ALS2CL: variants seen among roughly 807,000 people sequenced by gnomAD.
The protein encoded by ALS2CL is ALS2 C-terminal like, also known as ALS2 C-terminal-like protein.
ALS2CL carries 112 observed loss-of-function variants against 127.9 expected under a neutral mutation model. That is an observed-to-expected ratio of 0.88 (90% CI 0.75 to 1.02). The LOEUF is 1.02. Among genes scored for constraint, ALS2CL ranks in the 50% least tolerant of loss-of-function variants. The pLI, the probability that ALS2CL is intolerant of heterozygous loss-of-function variation, is 0.00. For missense variants in ALS2CL, 1,174 were observed against 1,236.7 expected, an observed-to-expected ratio of 0.95 and a Z score of 0.76; for synonymous variants, 519 against 527.6, an observed-to-expected ratio of 0.98 and a Z score of 0.22.
At chr3:46,675,010 C>A (rs917131421) in intron 20 of ALS2CL, 4 of 372,442 alleles carry the variant, frequency 1.1e-5, no homozygotes, top group African/African-American at 8.3e-5. Flanking sequence ...ACCAGGGCCC[C>A]AGATGGACCA....
At chr3:46,692,112 A>C (rs759665666) in intron 1 of ALS2CL, among the ~76,000 whole-genome samples, 5 of 152,168 alleles carry the variant, frequency 3.3e-5, no homozygotes, top group African/African-American at 4.8e-5. Flanking sequence ...GCAGAAGTTA[A>C]GCATGGCTGG....
intron 14 of ALS2CL, chr3:46,679,732 T>TATTTTGTG (rs1699167176): frequency 6.4e-6 from 1 of 155,544 alleles, no homozygotes; most frequent in Non-Finnish European, 1.4e-5. Flanking sequence ...TTTTGTGTAC[T>TATTTTGTG]TATTCTTCCC....
At chr3:46,684,520 T>C (rs1269554653) in intron 7 of ALS2CL, among the ~76,000 whole-genome samples, 1 of 152,238 alleles carries the variant, frequency 6.6e-6, no homozygotes, top group Non-Finnish European at 1.5e-5. Context: ...CATCCTGCTC[T>C]GACAGCCAGA....
chr3:46,675,796 G>C, intron 19 of ALS2CL, 110 bp from the exon 20 acceptor site: 1 of 1,562,318 alleles, frequency 6.4e-7, no homozygotes. Flanking sequence ...CTGTGGACAT[G>C]GCCTGCAGGG....
At chr3:46,675,153 G>A in intron 20 of ALS2CL, 1 of 206,234 alleles carries the variant, frequency 4.8e-6, no homozygotes, top group Non-Finnish European at 9.7e-6. Flanking sequence ...CTGCAAGGCA[G>A]TGACAGGAAG....
At position 46,675,654 on chromosome 3, in the gene ALS2CL, C is replaced by G; in HGVS notation, c.2219G>C (p.Gly740Ala). The part of the protein sequence containing the change: ...GLLRVALERK[G>A]QALEEDEDTE... ...GTCTTCATCCTCCTCCAGGGCCTGG[C>G]CCTTGCGCTCTAAGGCAACTCGCAG... Residue 740 changes from glycine (G) to alanine (A), a missense_variant, in exon 20 of 26, where the codon GGC (glycine) becomes GCC (alanine). Physicochemically the swap from Gly to Ala is moderately conservative, Grantham distance 60 (BLOSUM62 0). Transcript: ENST00000318962. The G allele has an allele frequency of 6.2e-7, 1 of 1,613,752 alleles. No individual in the cohort carries two copies. The highest frequency in any genetic ancestry group is 8.5e-7 in the Non-Finnish European group (1 of 1,180,010).
rs771884036 is a variant in ALS2CL, at chr3:46,675,652, G to T, written c.2221C>A (p.Gln741Lys). Residue 741 changes from glutamine to lysine, a missense_variant, in exon 20 of 26, where the codon CAG becomes AAG. Transcript: ENST00000318962. Reference sequence around the variant, plus strand: ...GTGTCTTCATCCTCCTCCAGGGCCTGGCCCTTGCGCTCTAAGGCAACTCGC... The same window carrying T: ...GTGTCTTCATCCTCCTCCAGGGCCTTGCCCTTGCGCTCTAAGGCAACTCGC... ...LLRVALERKG[Q>K]ALEEDEDTET... 5 of 1,613,688 alleles carry T rather than the reference G, an allele frequency of 3.1e-6. No homozygotes were observed. The East Asian group carries it at 1.1e-4, about 36-fold the overall frequency.
intron 21 of ALS2CL, among the ~76,000 whole-genome samples, chr3:46,673,667 G>A (rs542003133): frequency 2.5e-4 from 38 of 152,342 alleles, no homozygotes; most frequent in African/African-American, 8.9e-4. Context: ...AGGCTCTGCT[G>A]AGCCAGCACA....
chr3:46,675,451 G>A (rs1698735661), intron 20 of ALS2CL, 167 bp downstream of exon 20: 2 of 657,664 alleles, frequency 3.0e-6, no homozygotes, highest in Admixed American at 2.7e-5. Flanking sequence ...CAGAACAGAG[G>A]TCATGGGTCA....
At chr3:46,677,788 G>C (rs1331993364) in intron 16 of ALS2CL, among the ~76,000 whole-genome samples, 1 of 152,148 alleles carries the variant, frequency 6.6e-6, no homozygotes, top group Admixed American at 6.5e-5. Flanking sequence ...TCCTTCTCTG[G>C]AATACTCCTT....
Position 46,683,210 on chromosome 3 carries a change from T to C in ALS2CL, c.1029A>G (p.Ala343=). The C allele has an allele frequency of 6.2e-7, 1 of 1,609,718 alleles. No homozygotes were observed. The change falls in exon 10 of 26, where the codon GCA becomes GCG. Residue 343 remains alanine, a synonymous_variant. Coordinates refer to ENST00000318962, the MANE Select transcript of ALS2CL (RefSeq NM_147129.5). ...EPSQPPDCRC[A]EYTFQAEGRL... Reference sequence around the variant, plus strand: ...GGCCCTCTGCCTGGAAGGTATATTCTGCGCAGCGGCAGTCGGGAGGCTGGG... The same window carrying C: ...GGCCCTCTGCCTGGAAGGTATATTCCGCGCAGCGGCAGTCGGGAGGCTGGG...
chr3:46,679,257 AGTC>A lies in ALS2CL; in HGVS notation c.1576_1578del (p.Asp526del). 1.3e-6 allele frequency: 2 copies of A among 1,588,360 alleles called. No homozygotes were observed. Among genetic ancestry groups the A allele is most frequent in the East Asian group, 2.3e-5 (1 of 43,816 alleles). On this transcript the variant is annotated inframe_deletion, in exon 15 of 26. Transcript: ENST00000318962. ...CTGGTGAAGGTGCCCTCATACAGGG[AGTC>A]GTCTTCAGAGAGGAGGATGCCCGGG... is the stretch of plus-strand genomic sequence containing the variant.
At chr3:46,677,435 G>A in intron 16 of ALS2CL, 1 of 1,020,088 alleles carries the variant, frequency 9.8e-7, no homozygotes, top group East Asian at 9.6e-5. Flanking sequence ...CTGGCCAACA[G>A]GCTGGGGCCT....
intron 1 of ALS2CL, among the ~76,000 whole-genome samples, chr3:46,690,164 C>T (rs188814642): frequency 1.3e-5 from 2 of 152,348 alleles, no homozygotes; most frequent in Admixed American, 6.5e-5. Flanking sequence ...GTGCCTCAGT[C>T]GGCCGTGGAC....
At chr3:46,692,690 G>A (rs1051219074) in intron 1 of ALS2CL, among the ~76,000 whole-genome samples, 5 of 152,236 alleles carry the variant, frequency 3.3e-5, no homozygotes, top group African/African-American at 1.2e-4. Context: ...ACGGGGTGCG[G>A]TGGGGTGGGG....
At position 46,671,879 on chromosome 3, in the gene ALS2CL, C is replaced by T; in HGVS notation, c.2684+5G>A. ...CCCTGCACCCCCAGCTCCTGACTGCCTCACCGGGCGCGCGACACCACGTAG... is the reference window on the plus strand; with the variant it reads ...CCCTGCACCCCCAGCTCCTGACTGCTTCACCGGGCGCGCGACACCACGTAG... On this transcript the variant is annotated splice_donor_5th_base_variant and intron_variant, in intron 24 of 25. Coordinates refer to ENST00000318962, the MANE Select transcript of ALS2CL (RefSeq NM_147129.5). 6.2e-7 allele frequency: 1 copy of T among 1,613,596 alleles called. No individual in the cohort carries two copies. The highest frequency in any genetic ancestry group is 8.5e-7 in the Non-Finnish European group (1 of 1,179,964).
chr3:46,677,349 A>T, intron 16 of ALS2CL: 2 of 1,130,744 alleles, frequency 1.8e-6, no homozygotes, highest in Non-Finnish European at 2.2e-6. Context: ...CCAGTGTCCA[A>T]AGTCTGGGAT....
Position 46,671,985 on chromosome 3 carries a change from G to A in ALS2CL, c.2583C>T (p.Tyr861=), listed in dbSNP as rs146368215. The change falls in exon 24 of 26, where the codon TAC becomes TAT. Residue 861 remains tyrosine, a synonymous_variant. Transcript: ENST00000318962. ...TCGACACCGTGCCCTCAATTTCCCCGTATGTCCTCTCCAGCACCTCCAGCT... is the reference window on the plus strand; with the variant it reads ...TCGACACCGTGCCCTCAATTTCCCCATATGTCCTCTCCAGCACCTCCAGCT... ...REKLEVLERT[Y]GEIEGTVSRV... 7.9e-5 allele frequency: 127 copies of A among 1,613,848 alleles called. No homozygotes were observed. Among genetic ancestry groups the A allele is most frequent in the Middle Eastern group, 5.0e-4 (3 of 6,060 alleles).
Position 46,685,576 on chromosome 3 carries a change from CGGTGCGACCGTCACG to C in ALS2CL, c.720_734del (p.Val241_Pro245del), listed in dbSNP as rs1699699267. On this transcript the variant is annotated inframe_deletion, in exon 7 of 26. Transcript: ENST00000318962. Reference sequence around the variant, plus strand: ...AGAGCAGCACACGCTCAGCCCGCAACGGTGCGACCGTCACGGGTACGTCCTGGCTGTCCTGAAGGA... The same window carrying C: ...AGAGCAGCACACGCTCAGCCCGCAACGGTACGTCCTGGCTGTCCTGAAGGA... 6.2e-7 allele frequency: 1 copy of C among 1,614,026 alleles called. No homozygotes were observed. The highest frequency in any genetic ancestry group is 1.3e-5 in the African/African-American group (1 of 75,042).
Sources: gnomAD v4.1 joint callset for allele counts (sites outside exome capture counted in the v4.1 genomes callset) on GRCh38, gnomAD v4.1.1 for gene constraint, MANE v1.5 for transcripts, NCBI Gene and HGNC (gene_info 2026-07-23, HGNC 2026-07-21) for gene names.